The following FCHO1 variants were observed in gnomAD, a reference collection of about 807,000 sequenced individuals.
The protein encoded by FCHO1 is FCH and mu domain containing endocytic adaptor 1.
Under a neutral mutation model 114.4 loss-of-function variants are expected in FCHO1, and 45 were observed. The ratio of observed to expected loss-of-function variants is 0.39; its 90% confidence interval spans 0.31 to 0.50. The LOEUF (loss-of-function observed/expected upper bound fraction) is 0.50. Ranked by LOEUF, FCHO1 falls within the 20% of genes least tolerant of loss-of-function variation. The pLI is 0.77. For missense variants in FCHO1, 1,042 were observed against 1,209.6 expected (o/e 0.86, Z 2.06); for synonymous variants, 480 against 488.9 (o/e 0.98, Z 0.24).
At chr19:17,748,286 C>T (rs1185930809), upstream of FCHO1, among the ~76,000 whole-genome samples, 1 of 152,116 alleles carries the variant, frequency 6.6e-6, no homozygotes, top group Non-Finnish European at 1.5e-5. Flanking sequence ...CACTGTGAAC[C>T]CCTATCCAGG....
intron 20 of FCHO1, among the ~76,000 whole-genome samples, chr19:17,779,929 G>C (rs1264949721): frequency 6.6e-6 from 1 of 151,936 alleles, no homozygotes; most frequent in African/African-American, 2.4e-5. Flanking sequence ...CAGAGGGGTT[G>C]GAGACAGGAG....
At chr19:17,772,173 CTTG>C (rs1323515027) in intron 9 of FCHO1, among the ~76,000 whole-genome samples, 1 of 124,600 alleles carries the variant, frequency 8.0e-6, no homozygotes, top group East Asian at 4.5e-4. Context: ...CAGACATCCC[CTTG>C]TGTGTGTGTG....
At chr19:17,763,259 CTTTTTT>C (rs11349881) in intron 5 of FCHO1, among the ~76,000 whole-genome samples, 12 of 96,042 alleles carry the variant, frequency 1.2e-4, no homozygotes, top group African/African-American at 4.2e-4. Flanking sequence ...CCACATCTGG[CTTTTTT>C]TTTTTTTTTT....
In FCHO1 at chr19:17,775,886, C is replaced by T; in HGVS notation, c.1004-97C>T. On this transcript the variant is annotated intron_variant, in intron 15 of 28. Transcript: ENST00000596536. The surrounding 1 kb of genome is among the most constrained non-coding windows in gnomAD (Gnocchi z 5.1). ...GGTGAGCGATGGGATTGGGCAGGAC[C>T]TCGAAGGGTTTGAGCAGGGAGGGAC... 1 of 1,452,758 alleles carries T rather than the reference C, an allele frequency of 6.9e-7. No homozygotes were observed. Among genetic ancestry groups the T allele is most frequent in the South Asian group, 1.3e-5 (1 of 78,730 alleles). The allele number at this position is 1,452,758 out of a possible 1,614,324, so 90.0% of individuals were successfully genotyped here. A position where few individuals can be genotyped will look rare whatever the true frequency, so the allele number is the denominator to read the frequency against.
At position 17,776,692 on chromosome 19, in the gene FCHO1, T is replaced by C. The variant is rs1277389587; in HGVS notation, c.1259+6T>C. On this transcript the variant is annotated splice_donor_region_variant and intron_variant, in intron 18 of 28. Transcript: ENST00000596536. The surrounding 1 kb of genome is among the most constrained non-coding windows in gnomAD (Gnocchi z 4.4). ...TCTGCCCCCAGAACCAGCAGGTGGG[T>C]TCCACACGAGTGGGCAGGTGGGGGC... 4.3e-6 allele frequency: 7 copies of C among 1,613,364 alleles called. No homozygotes were observed. Among genetic ancestry groups the C allele is most frequent in the Non-Finnish European group, 5.9e-6 (7 of 1,179,840 alleles).
At chr19:17,770,763 C>T (rs2091272113) in intron 8 of FCHO1, 29 bp from the exon 9 acceptor site, 1 of 1,611,316 alleles carries the variant, frequency 6.2e-7, no homozygotes, top group Non-Finnish European at 8.5e-7. Flanking sequence ...ATCGCCCTCC[C>T]ATCCCCGTTT....
At position 17,776,928 on chromosome 19, in the gene FCHO1, G is replaced by A. The variant is rs1426578819; in HGVS notation, c.1259+242G>A. On this transcript the variant is annotated intron_variant, in intron 18 of 28. Coordinates refer to ENST00000596536, the MANE Select transcript of FCHO1 (RefSeq NM_015122.3). The surrounding 1 kb of genome is among the most constrained non-coding windows in gnomAD (Gnocchi z 4.4). ...TTTTCATGCCTCAGCCTCCTAAGTA[G>A]CTGAGATTACAGGCACCCACCACCA... Among the ~76,000 whole-genome samples the A allele has an allele frequency of 6.6e-6, 1 of 152,018 alleles. No homozygotes were observed. The highest frequency in any genetic ancestry group is 1.5e-5 in the Non-Finnish European group (1 of 68,024).
At position 17,784,912 on chromosome 19, in the gene FCHO1, C is replaced by T. The variant is rs1359266297; in HGVS notation, c.2414C>T (p.Pro805Leu). 2 of 1,611,604 alleles carry T rather than the reference C, an allele frequency of 1.2e-6. No individual in the cohort carries two copies. Among genetic ancestry groups the T allele is most frequent in the South Asian group, 2.2e-5 (2 of 91,074 alleles). ...CCTGTGACCAACGTCCGCTTGCAGC[C>T]GGCTGCCACCTGGTGAGGGCTTGCG... ...GEPVTNVRLQ[P>L]AATWNLEEKR... Residue 805 changes from proline (P) to leucine (L), a missense_variant, in exon 26 of 29, where the codon CCG becomes CTG. This residue lies in a region of FCHO1 where 137 missense variants were observed against 190.0 expected (regional missense o/e 0.72). Coordinates refer to ENST00000596536, the MANE Select transcript of FCHO1 (RefSeq NM_015122.3). This position sits in a 1 kb window ranked among gnomAD's most constrained non-coding sequence, Gnocchi z 5.3.
chr19:17,786,950 G>A (rs2093951651), intron 27 of FCHO1, among the ~76,000 whole-genome samples: 1 of 151,856 alleles, frequency 6.6e-6, no homozygotes, highest in Admixed American at 6.6e-5. Flanking sequence ...AAGGCCAGGT[G>A]TGGTGGCTCA....
intron 4 of FCHO1, among the ~76,000 whole-genome samples, chr19:17,761,993 A>ATTCG: frequency 6.7e-6 from 1 of 149,672 alleles, no homozygotes; most frequent in Non-Finnish European, 1.5e-5. Flanking sequence ...TCATTCATTC[A>ATTCG]TTCATTTATT....
chr19:17,759,650 AG>A (rs1408672573), intron 4 of FCHO1, among the ~76,000 whole-genome samples: 2 of 151,910 alleles, frequency 1.3e-5, no homozygotes, highest in African/African-American at 4.8e-5. Flanking sequence ...GGTGTGTATG[AG>A]GCCGGGCGTG....
rs1038213322 is a variant in FCHO1 at position 17,754,301 on chromosome 19, C to T, written c.-182-16C>T. On this transcript the variant is annotated splice_polypyrimidine_tract_variant and intron_variant, in intron 1 of 28. Transcript: ENST00000596536. ...CCCGGCAAGATCCCTTCTAAGCATT[C>T]CTTCTTATTTTGCAGATGGGGAAAC... 5.2e-5 allele frequency: 8 copies of T among 152,386 alleles called. No homozygotes were observed. Among genetic ancestry groups the T allele is most frequent in the African/African-American group, 1.9e-4 (8 of 41,460 alleles). The allele number at this position is 152,386 out of a possible 1,614,324, so 9.4% of individuals were successfully genotyped here.
In FCHO1 at chr19:17,784,310, G is replaced by A. The variant is rs2093681103; in HGVS notation, c.2226+75G>A. 1.3e-5 allele frequency: 20 copies of A among 1,515,958 alleles called. No homozygotes were observed. The highest frequency in any genetic ancestry group is 1.0e-4 in the Admixed American group (5 of 48,970). The allele number at this position is 1,515,958 out of a possible 1,614,324, so 93.9% of individuals were successfully genotyped here. A position where few individuals can be genotyped will look rare whatever the true frequency, so the allele number is the denominator to read the frequency against. ...GTGAGCCGGCAGCAGACATGGAGGC[G>A]CCTGCGTGTTGGCCAGGCTGGTCTC... On this transcript the variant is annotated intron_variant, in intron 25 of 28. Coordinates refer to ENST00000596536, the MANE Select transcript of FCHO1 (RefSeq NM_015122.3). This position sits in a 1 kb window ranked among gnomAD's most constrained non-coding sequence, Gnocchi z 5.3.
At chr19:17,754,112 G>A (rs1184964808) in intron 1 of FCHO1, 2 of 152,298 alleles carry the variant, frequency 1.3e-5, no homozygotes, top group Admixed American at 1.3e-4. Context: ...CTGTTCCTAC[G>A]AGGCTCCCAG....
At chr19:17,761,633 C>CATATATATATATATATAT (rs55848959) in intron 4 of FCHO1, among the ~76,000 whole-genome samples, 29 of 142,704 alleles carry the variant, frequency 2.0e-4, no homozygotes, top group East Asian at 4.1e-4. Flanking sequence ...CATGTATATA[C>CATATATATATATATATAT]ATATATATAT....
intron 22 of FCHO1, 58 bp downstream of exon 22, chr19:17,781,597 G>C (rs2093415855): frequency 6.3e-7 from 1 of 1,592,104 alleles, no homozygotes; most frequent in South Asian, 1.1e-5. Flanking sequence ...TCTCTGGTCT[G>C]GGTGGGTGGC....
chr19:17,763,585 G>GT (rs2087391885), intron 5 of FCHO1, among the ~76,000 whole-genome samples: 1 of 40,496 alleles, frequency 2.5e-5, no homozygotes, highest in Admixed American at 3.0e-4. Flanking sequence ...TTTTCTTTTT[G>GT]GAGACAGAGT....
At chr19:17,768,809 A>T (rs917360834) in intron 7 of FCHO1, among the ~76,000 whole-genome samples, 3 of 151,848 alleles carry the variant, frequency 2.0e-5, no homozygotes, top group African/African-American at 7.3e-5. Context: ...TGTTGGCATT[A>T]CAGGCATGGG....
At chr19:17,754,450 C>T (rs557755282) in intron 2 of FCHO1, 89 bp downstream of exon 2, 1 of 152,590 alleles carries the variant, frequency 6.6e-6, no homozygotes, top group East Asian at 1.9e-4. Flanking sequence ...GCTCTGACTC[C>T]CAGGAGGGTA....
Sources: gnomAD v4.1 joint callset for allele counts (sites outside exome capture counted in the v4.1 genomes callset) on GRCh38, gnomAD v4.1.1 for gene constraint, gnomAD v4.1.1 regional missense constraint, Gnocchi (gnomAD v3.1) non-coding constraint, MANE v1.5 for transcripts, NCBI Gene and HGNC (gene_info 2026-07-23, HGNC 2026-07-21) for gene names.